LRRC27: variants seen among roughly 807,000 people sequenced by gnomAD.
LRRC27 encodes the protein leucine-rich repeat-containing protein 27.
A neutral mutation model predicts 55.0 loss-of-function variants in LRRC27; 57 were observed. That is an observed-to-expected ratio of 1.04 (90% CI 0.84 to 1.29). The LOEUF (loss-of-function observed/expected upper bound fraction) is 1.29. Among genes scored for constraint, LRRC27 ranks in the 50% most tolerant of loss-of-function variants. The pLI, the probability that LRRC27 is intolerant of heterozygous loss-of-function variation, is 0.00. For missense variants in LRRC27, 721 were observed against 651.5 expected, an observed-to-expected ratio of 1.11 and a Z score of -1.16; for synonymous variants, 278 against 251.9, an observed-to-expected ratio of 1.10 and a Z score of -0.98.
chr10:132,364,258 T>A (rs1004032724), intron 9 of LRRC27, among the ~76,000 whole-genome samples: 2 of 149,746 alleles, frequency 1.3e-5, no homozygotes, highest in South Asian at 2.1e-4. Flanking sequence ...AGAGGCTGAG[T>A]GAGACTGTGT....
chr10:132,365,646 G>C, intron 10 of LRRC27, 96 bp downstream of exon 10: 1 of 1,454,746 alleles, frequency 6.9e-7, no homozygotes, highest in Non-Finnish European at 9.2e-7. Flanking sequence ...CTGTCACCCA[G>C]GCTGGAGTGC....
chr10:132,340,704 G>A (rs1478063574), intron 3 of LRRC27, among the ~76,000 whole-genome samples: 1 of 151,292 alleles, frequency 6.6e-6, no homozygotes. Flanking sequence ...GGTGGCTCAC[G>A]CCTATAGTCC....
intron 9 of LRRC27, 46 bp downstream of exon 9, chr10:132,361,621 C>A: frequency 7.4e-7 from 1 of 1,352,052 alleles, no homozygotes; most frequent in Non-Finnish European, 1.1e-6. Context: ...GCTCAGCCAG[C>A]CACCCACGGG....
At chr10:132,334,430 G>T (rs117772233) in intron 2 of LRRC27, among the ~76,000 whole-genome samples, 12,772 of 152,122 alleles carry the variant, frequency 0.084, 670 homozygotes, top group African/African-American at 0.15. Flanking sequence ...TAGTAGAGAT[G>T]GGGTTTCACC....
At chr10:132,342,631 C>T (rs1300580506) in intron 4 of LRRC27, among the ~76,000 whole-genome samples, 2 of 152,158 alleles carry the variant, frequency 1.3e-5, no homozygotes, top group East Asian at 3.8e-4. Context: ...GTTCCTAGGC[C>T]CCATCATGAC....
intron 5 of LRRC27, among the ~76,000 whole-genome samples, chr10:132,346,115 A>G (rs1590635845): frequency 6.6e-6 from 1 of 152,162 alleles, no homozygotes; most frequent in Non-Finnish European, 1.5e-5. Context: ...GAAATGCATG[A>G]GCACCCCAGA....
Position 132,381,465 on chromosome 10 carries a change from A to G in LRRC27, c.*6223A>G, listed in dbSNP as rs2069409171. 6.6e-6 allele frequency among the ~76,000 whole-genome samples: 1 copy of G among 152,210 alleles called. No individual in the cohort carries two copies. The highest frequency in any genetic ancestry group is 6.5e-5 in the Admixed American group (1 of 15,286). ...GCCTATTGTGGGACTTCACCCTGTG[A>G]TCCTGTGCCTCAGTTCTCCTTAATA... On this transcript the variant is annotated 3_prime_UTR_variant, in exon 11 of 11. Coordinates refer to ENST00000368614, the MANE Select transcript of LRRC27 (RefSeq NM_030626.3).
In LRRC27 at chr10:132,337,619, T is replaced by C. The variant is rs2067198270; in HGVS notation, c.265T>C (p.Leu89=). 4 of 1,614,090 alleles carry C rather than the reference T, an allele frequency of 2.5e-6. No individual in the cohort carries two copies. The highest frequency in any genetic ancestry group is 3.3e-5 in the Admixed American group (2 of 60,010). The change falls in exon 3 of 11, where the codon TTG becomes CTG. Residue 89 remains leucine (L), a synonymous_variant. Transcript: ENST00000368614. ...LCVIPQDFFQ[L]LPNLTWLDLR... ...TGTGATTCCTCAAGATTTCTTTCAG[T>C]TGCTTCCGAACCTGACTTGGCTGGA...
rs1280952685 is a variant in LRRC27, at chr10:132,337,361, C to T, written c.211-204C>T. 1.8e-5 allele frequency: 24 copies of T among 1,359,130 alleles called. No homozygotes were observed. The South Asian group carries it at 2.2e-4, about 12-fold the overall frequency. 84.2% of individuals were successfully genotyped at this position (1,359,130 alleles called of 1,614,324 possible). On this transcript the variant is annotated intron_variant, in intron 2 of 10. Transcript: ENST00000368614. ...AGTCAGTTCCGGCTCCAAAGGCCGC[C>T]GGAAGGAGTCCTGGTTCTTTTCTTT...
chr10:132,336,925 C>A, intron 2 of LRRC27: 1 of 633,914 alleles, frequency 1.6e-6, no homozygotes, highest in Non-Finnish European at 2.8e-6. Flanking sequence ...ATGTTATATG[C>A]ATTTTACACA....
chr10:132,347,796 G>A lies in LRRC27; in HGVS notation c.554-188G>A, dbSNP rs541518778. On this transcript the variant is annotated intron_variant, in intron 5 of 10. Coordinates refer to ENST00000368614, the MANE Select transcript of LRRC27 (RefSeq NM_030626.3). ...TCCATGTGGAACTGCTTTGTGTGCC[G>A]CAGCAGGCTGGCGTGGTGCAGGTGG... 1.3e-4 allele frequency among the ~76,000 whole-genome samples: 20 copies of A among 152,308 alleles called. No homozygotes were observed. In the South Asian group the frequency reaches 3.5e-3, roughly 27 times the overall value.
upstream of LRRC27, chr10:132,330,376 C>T (rs758942521): frequency 2.0e-5 from 14 of 707,636 alleles, no homozygotes; most frequent in South Asian, 4.5e-5. Flanking sequence ...TCTTCCATCC[C>T]CTTCGCCACT....
chr10:132,363,039 A>G (rs1590709280), intron 9 of LRRC27, among the ~76,000 whole-genome samples: 2 of 73,212 alleles, frequency 2.7e-5, no homozygotes, highest in African/African-American at 1.1e-4. Flanking sequence ...GCAGCTCAGG[A>G]GTATGGGGTT....
At chr10:132,345,832 G>C (rs2067658657) in intron 5 of LRRC27, among the ~76,000 whole-genome samples, 1 of 152,212 alleles carries the variant, frequency 6.6e-6, no homozygotes, top group Admixed American at 6.5e-5. Flanking sequence ...GGATAAAAAA[G>C]AGGAGAAGTT....
intron 7 of LRRC27, chr10:132,352,860 C>T: frequency 6.2e-7 from 1 of 1,613,372 alleles, no homozygotes; most frequent in Non-Finnish European, 8.5e-7. Context: ...GTTCTTTTCC[C>T]TCATTTCTTG....
chr10:132,365,553 A>G lies in LRRC27; in HGVS notation c.1416+3A>G, dbSNP rs770051351. The G allele has an allele frequency of 1.7e-5, 27 of 1,612,612 alleles. 1 individual carries two copies. The South Asian group carries it at 2.4e-4, about 14-fold the overall frequency. On this transcript the variant is annotated splice_donor_region_variant and intron_variant, in intron 10 of 10. Coordinates refer to ENST00000368614, the MANE Select transcript of LRRC27 (RefSeq NM_030626.3). ...AGGCTGCCGAGGATCTGGAAATTGT[A>G]AGGATTTCTTGGTTCTGTTTAAAAA...
At chr10:132,336,177 G>A (rs1205338985) in intron 2 of LRRC27, among the ~76,000 whole-genome samples, 3 of 152,308 alleles carry the variant, frequency 2.0e-5, no homozygotes, top group South Asian at 2.1e-4. Context: ...CATTGAGAAC[G>A]ACATGGTTTC....
rs2067587729 is a variant in LRRC27, at chr10:132,344,622, C to G, written c.525C>G (p.His175Gln). 1 of 1,613,958 alleles carries G rather than the reference C, an allele frequency of 6.2e-7. No homozygotes were observed. The highest frequency in any genetic ancestry group is 1.3e-5 in the African/African-American group (1 of 74,926). The change falls in exon 5 of 11, where the codon CAC becomes CAG. Residue 175 changes from histidine (H) to glutamine (Q), a missense_variant. Physicochemically the swap from His to Gln is conservative, Grantham distance 24 (BLOSUM62 0). Coordinates refer to ENST00000368614, the MANE Select transcript of LRRC27 (RefSeq NM_030626.3). ...TCCTGCGGATGTGGGCAGTAGAACA[C>G]TCTCTCCCCAGAAATCCAACTTCTC... ...QRFLRMWAVE[H>Q]SLPRNPTSQE...
At chr10:132,349,945 T>C (rs190363875) in intron 6 of LRRC27, among the ~76,000 whole-genome samples, 76 of 152,302 alleles carry the variant, frequency 5.0e-4, no homozygotes, top group African/African-American at 1.7e-3. Context: ...CTTGGTCAGG[T>C]TGTCGTGGGG....
Sources: allele counts gnomAD v4.1 joint callset (sites outside exome capture counted in the v4.1 genomes callset), GRCh38; gene constraint gnomAD v4.1.1; transcripts MANE v1.5; gene names NCBI Gene and HGNC (gene_info 2026-07-23, HGNC 2026-07-21).